Variants in LSAMP observed in about 807,000 individuals in gnomAD.
LSAMP encodes the protein limbic system associated membrane protein.
In LSAMP, 7 loss-of-function variants were observed where a neutral mutation model predicts 38.6. The observed-to-expected ratio is 0.18, with a 90% CI of 0.10 to 0.34. The LOEUF is 0.34. LSAMP is among the 10% of genes least tolerant of loss of function. LSAMP has a pLI of 1.00. For missense variants in LSAMP, 313 were observed against 420.0 expected (o/e 0.75, Z 2.23); for synonymous variants, 154 against 166.8 (o/e 0.92, Z 0.59).
intron 1 of LSAMP, among the ~76,000 whole-genome samples, chr3:116,343,582 G>T (rs2107756319): frequency 6.6e-6 from 1 of 152,206 alleles, no homozygotes; most frequent in Non-Finnish European, 1.5e-5. Flanking sequence ...TGTATAAGAT[G>T]GTCTGTACTG....
At chr3:116,126,362 G>A (rs1709008433) in intron 1 of LSAMP, among the ~76,000 whole-genome samples, 1 of 152,190 alleles carries the variant, frequency 6.6e-6, no homozygotes, top group Admixed American at 6.5e-5. Flanking sequence ...CTATAAATGG[G>A]CCATGCCCAA....
At chr3:116,166,643 T>C (rs986794663) in intron 1 of LSAMP, among the ~76,000 whole-genome samples, 3 of 152,160 alleles carry the variant, frequency 2.0e-5, no homozygotes, top group African/African-American at 7.2e-5. Flanking sequence ...GACCATAGGC[T>C]TCAAAAATAT....
chr3:115,977,198 G>A (rs1031072182), intron 3 of LSAMP, among the ~76,000 whole-genome samples: 1 of 152,146 alleles, frequency 6.6e-6, no homozygotes, highest in Non-Finnish European at 1.5e-5. Context: ...ACCTTTTTCA[G>A]TATGGCCCAG....
chr3:115,830,152 T>A (rs1934563262), intron 6 of LSAMP, among the ~76,000 whole-genome samples: 1 of 152,190 alleles, frequency 6.6e-6, no homozygotes, highest in Non-Finnish European at 1.5e-5. Flanking sequence ...TAAATCAGCC[T>A]GAATAAGTGT....
At chr3:116,337,310 A>G (rs972452017) in intron 1 of LSAMP, among the ~76,000 whole-genome samples, 5 of 152,016 alleles carry the variant, frequency 3.3e-5, no homozygotes, top group African/African-American at 1.2e-4. Context: ...GAAATGGGAA[A>G]TTTTATGTTA....
chr3:115,891,403 G>T (rs2107458818), intron 3 of LSAMP, among the ~76,000 whole-genome samples: 1 of 152,108 alleles, frequency 6.6e-6, no homozygotes, highest in South Asian at 2.1e-4. Context: ...GGGCTGGCCT[G>T]ATGAAAGATA....
rs979607747 is a variant in LSAMP at position 116,262,611 on chromosome 3, G to A, written c.156-176055C>T. ...TATCAGATACGCAGCAAGCACTTAT[G>A]GGTGTACGTGAAACAGAGCCTCTAA... On this transcript the variant is annotated intron_variant, in intron 1 of 6. Transcript: ENST00000490035. Among the ~76,000 whole-genome samples, 93 of 152,242 alleles carry A rather than the reference G, an allele frequency of 6.1e-4. 1 individual carries two copies. The highest frequency in any genetic ancestry group is 2.1e-3 in the African/African-American group (88 of 41,536).
chr3:116,376,590 A>AT (rs1008960066), intron 1 of LSAMP, among the ~76,000 whole-genome samples: 3 of 152,060 alleles, frequency 2.0e-5, no homozygotes, highest in African/African-American at 4.8e-5. Context: ...GTCTGTAAGC[A>AT]TTTTTTTCTT....
At chr3:116,310,498 C>T (rs917486948) in intron 1 of LSAMP, among the ~76,000 whole-genome samples, 1 of 152,190 alleles carries the variant, frequency 6.6e-6, no homozygotes, top group African/African-American at 2.4e-5. Flanking sequence ...TTTACCTACT[C>T]ACCAGCTGTC....
At chr3:116,388,101 T>C (rs911516491) in intron 1 of LSAMP, among the ~76,000 whole-genome samples, 1 of 151,600 alleles carries the variant, frequency 6.6e-6, no homozygotes, top group African/African-American at 2.4e-5. Flanking sequence ...TGGGGGCAAG[T>C]AGAGAGAGAG....
At chr3:115,865,072 A>T (rs1015963934) in intron 3 of LSAMP, among the ~76,000 whole-genome samples, 2 of 152,216 alleles carry the variant, frequency 1.3e-5, no homozygotes, top group African/African-American at 2.4e-5. Flanking sequence ...TCCAGAGATA[A>T]TTTGCTAATG....
chr3:116,370,650 A>G (rs1481710843), intron 1 of LSAMP, among the ~76,000 whole-genome samples: 1 of 152,180 alleles, frequency 6.6e-6, no homozygotes, highest in East Asian at 1.9e-4. Context: ...TCAGGGGTCT[A>G]TGCACTGATC....
chr3:116,223,721 T>C (rs2046314031), intron 1 of LSAMP, among the ~76,000 whole-genome samples: 2 of 152,312 alleles, frequency 1.3e-5, no homozygotes, highest in South Asian at 4.1e-4. Flanking sequence ...ATTTGTTTAA[T>C]GATAAAAAGT....
chr3:116,180,169 C>T (rs1710450394), intron 1 of LSAMP, among the ~76,000 whole-genome samples: 1 of 152,104 alleles, frequency 6.6e-6, no homozygotes, highest in Non-Finnish European at 1.5e-5. Context: ...TATGCTTTGT[C>T]TTGGGGGTAT....
At chr3:115,970,337 T>C (rs754010373) in intron 3 of LSAMP, among the ~76,000 whole-genome samples, 23 of 152,214 alleles carry the variant, frequency 1.5e-4, no homozygotes, top group Non-Finnish European at 3.1e-4. Context: ...TGCTTTTCCC[T>C]TGCAAGCCTT....
intron 2 of LSAMP, among the ~76,000 whole-genome samples, chr3:116,051,413 T>A (rs1221550971): frequency 1.3e-5 from 2 of 152,212 alleles, no homozygotes; most frequent in East Asian, 3.9e-4. Context: ...AAATCTCCCT[T>A]TGAAAATGCA....
chr3:116,286,650 T>G (rs1164235918), intron 1 of LSAMP, among the ~76,000 whole-genome samples: 1 of 152,162 alleles, frequency 6.6e-6, no homozygotes, highest in Non-Finnish European at 1.5e-5. Context: ...CTCATTTACC[T>G]TGATTAGCAG....
intron 1 of LSAMP, among the ~76,000 whole-genome samples, chr3:116,379,071 A>G (rs1341942218): frequency 6.6e-6 from 1 of 151,414 alleles, no homozygotes; most frequent in Non-Finnish European, 1.5e-5. Flanking sequence ...TGAGAACAGC[A>G]TTTGTGAGTC....
At chr3:116,164,605 T>C (rs1576404266) in intron 1 of LSAMP, among the ~76,000 whole-genome samples, 1 of 118,030 alleles carries the variant, frequency 8.5e-6, no homozygotes, top group South Asian at 2.5e-4. Context: ...AATCCAAATA[T>C]ATATATATAT....
Sources: allele counts gnomAD v4.1 joint callset (sites outside exome capture counted in the v4.1 genomes callset), GRCh38; gene constraint gnomAD v4.1.1; transcripts MANE v1.5; gene names NCBI Gene and HGNC (gene_info 2026-07-23, HGNC 2026-07-21).